The following CHGA variants were observed in gnomAD, a reference collection of about 807,000 sequenced individuals.
CHGA encodes the protein chromogranin-A.
A neutral mutation model predicts 54.4 loss-of-function variants in CHGA; 41 were observed. The observed-to-expected ratio is 0.75, with a 90% CI of 0.59 to 0.98. The LOEUF (loss-of-function observed/expected upper bound fraction) is 0.98, where lower values mean the gene tolerates loss of function less well. Ranked by LOEUF, CHGA falls within the 50% of genes least tolerant of loss-of-function variation. The probability of loss-of-function intolerance (pLI) is 0.00; values close to 1 mark genes in which losing one functional copy is unlikely to be tolerated. For synonymous variants in CHGA, 249 were observed against 232.8 expected (o/e 1.07, Z -0.63); for missense variants, 576 against 582.3 (o/e 0.99, Z 0.11).
At position 92,928,275 on chromosome 14, in the gene CHGA, C is replaced by T. The variant is rs577203808; in HGVS notation, c.256+657C>T. Among the ~76,000 whole-genome samples, 7 of 152,268 alleles carry T rather than the reference C, an allele frequency of 4.6e-5. No individual in the cohort carries two copies. The South Asian group carries it at 8.3e-4, about 18-fold the overall frequency. ...TTGTGTCTGGGGTGGGGTGGGGGTACGAAGGCTGCTCTGGCTTCAGGATGG... is the reference window on the plus strand; with the variant it reads ...TTGTGTCTGGGGTGGGGTGGGGGTATGAAGGCTGCTCTGGCTTCAGGATGG... On this transcript the variant is annotated intron_variant, in intron 4 of 7. Transcript: ENST00000216492.
rs1350492824 is a variant in CHGA, at chr14:92,926,710, A to C, written c.187+12A>C. 1 of 1,611,750 alleles carries C rather than the reference A, an allele frequency of 6.2e-7. No homozygotes were observed. The highest frequency in any genetic ancestry group is 2.2e-5 in the East Asian group (1 of 44,884). ...GACACTCCGAGGAGGTATGAGCTGG[A>C]GGCTAGGGGTGAGGGCTGCTGCCTG... On this transcript the variant is annotated intron_variant, in intron 3 of 7. Transcript: ENST00000216492.
Position 92,934,980 on chromosome 14 carries a change from C to T in CHGA, c.*96C>T, listed in dbSNP as rs9658672. 2,524 of 1,069,932 alleles carry T rather than the reference C, an allele frequency of 2.4e-3. 36 individuals carry two copies. The African/African-American group carries it at 0.037, about 16-fold the overall frequency. 66.3% of individuals were successfully genotyped at this position (1,069,932 alleles called of 1,614,324 possible). A position where few individuals can be genotyped will look rare whatever the true frequency, so the allele number is the denominator to read the frequency against. ...GGCCAGATGGCCCGGATGCTGCTTC[C>T]GGTAGGGAGGCAGCCTCCAGCCTGC... is the stretch of plus-strand genomic sequence containing the variant. On this transcript the variant is annotated 3_prime_UTR_variant, in exon 8 of 8. Coordinates refer to ENST00000216492, the MANE Select transcript of CHGA (RefSeq NM_001275.4).
intron 2 of CHGA, among the ~76,000 whole-genome samples, chr14:92,924,468 G>C (rs1293487377): frequency 6.6e-6 from 1 of 152,254 alleles, no homozygotes; most frequent in Non-Finnish European, 1.5e-5. Context: ...ACATGCAGCG[G>C]AAGAGGCCTG....
At chr14:92,933,775 G>C (rs1247055212) in intron 7 of CHGA, among the ~76,000 whole-genome samples, 1 of 152,194 alleles carries the variant, frequency 6.6e-6, no homozygotes, top group Non-Finnish European at 1.5e-5. Context: ...CACGTGCCTG[G>C]GAGCCCAGGG....
rs778264226 is a variant in CHGA at position 92,929,729 on chromosome 14, G to C, written c.269G>C (p.Arg90Thr). The change falls in exon 5 of 8, where the codon AGG (arginine) becomes ACG (threonine). Residue 90 changes from arginine to threonine, a missense_variant. By Grantham distance (71) the Arg-to-Thr change is moderately conservative. Transcript: ENST00000216492. ...TTTCTCATACCAGGCGCCAAGGAGAGGGCACATCAGCAGAAGAAACACAGC... is the reference window on the plus strand; with the variant it reads ...TTTCTCATACCAGGCGCCAAGGAGACGGCACATCAGCAGAAGAAACACAGC... ...QDLALQGAKERAHQQKKHSGF... is the reference protein window; with the variant it reads ...QDLALQGAKETAHQQKKHSGF... 1.9e-6 allele frequency: 3 copies of C among 1,613,966 alleles called. No individual in the cohort carries two copies. Among genetic ancestry groups the C allele is most frequent in the Admixed American group, 3.3e-5 (2 of 60,014 alleles).
chr14:92,924,094 T>C, intron 1 of CHGA, 105 bp from the exon 2 acceptor site: 1 of 1,302,338 alleles, frequency 7.7e-7, no homozygotes, highest in Non-Finnish European at 1.1e-6. Flanking sequence ...GGGGGCAGTT[T>C]TGAGGGGTGG....
In CHGA at chr14:92,935,069, C is replaced by T. The variant is rs1887096773; in HGVS notation, c.*185C>T. 2 of 535,724 alleles carry T rather than the reference C, an allele frequency of 3.7e-6. No individual in the cohort carries two copies. Among genetic ancestry groups the T allele is most frequent in the South Asian group, 5.4e-5 (2 of 36,810 alleles). 33.2% of individuals were successfully genotyped at this position (535,724 alleles called of 1,614,324 possible). On this transcript the variant is annotated 3_prime_UTR_variant, in exon 8 of 8. Coordinates refer to ENST00000216492, the MANE Select transcript of CHGA (RefSeq NM_001275.4). ...TCTCCTACTCCTGACTCCTACCTGC[C>T]CTGGAACATCCTTTGCAGGGCAGCC...
chr14:92,930,276 C>T (rs1421757033), intron 5 of CHGA, among the ~76,000 whole-genome samples: 5 of 152,232 alleles, frequency 3.3e-5, no homozygotes, highest in African/African-American at 4.8e-5. Context: ...TTCTTGAAAC[C>T]AAAGAGCTTC....
Position 92,932,340 on chromosome 14 carries a change from TCTC to T in CHGA, c.809-27_809-25del, listed in dbSNP as rs960388876. 1.9e-6 allele frequency: 3 copies of T among 1,545,512 alleles called. No individual in the cohort carries two copies. Among genetic ancestry groups the T allele is most frequent in the African/African-American group, 2.7e-5 (2 of 73,902 alleles). ...GGGAAAATGGTGGTCCCCCACCCAT[TCTC>T]CTGCTCTTGCCCACCACCTGCTCCA... On this transcript the variant is annotated intron_variant, in intron 6 of 7. Transcript: ENST00000216492. This position sits in a 1 kb window ranked among gnomAD's most constrained non-coding sequence, Gnocchi z 5.3.
In CHGA at chr14:92,927,462, T is replaced by C. The variant is rs866526657; in HGVS notation, c.188-88T>C. On this transcript the variant is annotated intron_variant, in intron 3 of 7. Transcript: ENST00000216492. ...CCTGGTTTTGAGTTTCCAGAGTAAA[T>C]TCCTTGTGCTCAGCTGAAAATATTG... 7.2e-6 allele frequency: 8 copies of C among 1,118,792 alleles called. No individual in the cohort carries two copies. The Middle Eastern group carries it at 6.0e-4, about 83-fold the overall frequency. The allele number at this position is 1,118,792 out of a possible 1,614,324, so 69.3% of individuals were successfully genotyped here. A position where few individuals can be genotyped will look rare whatever the true frequency, so the allele number is the denominator to read the frequency against.
At chr14:92,929,008 T>G (rs942292987) in intron 4 of CHGA, among the ~76,000 whole-genome samples, 1 of 152,228 alleles carries the variant, frequency 6.6e-6, no homozygotes, top group African/African-American at 2.4e-5. Context: ...GCATGCTCCC[T>G]GGCCCACAGC....
In CHGA at chr14:92,929,784, T is replaced by G. The variant is rs766061758; in HGVS notation, c.324T>G (p.Leu108=). The G allele has an allele frequency of 6.2e-6, 10 of 1,613,212 alleles. No individual in the cohort carries two copies. The highest frequency in any genetic ancestry group is 8.5e-6 in the Non-Finnish European group (10 of 1,180,006). ...SGFEDELSEV[L]ENQSSQAELK... is the part of the protein sequence containing the mutation. ...TTGAAGATGAACTCTCAGAGGTTCT[T>G]GAGAACCAGAGCAGCCAGGCCGAGC... The change falls in exon 5 of 8, where the codon CTT becomes CTG. Residue 108 remains leucine, a synonymous_variant. Transcript: ENST00000216492.
Position 92,932,753 on chromosome 14 carries a change from T to C in CHGA, c.1192T>C (p.Ser398Pro), listed in dbSNP as rs1430849338. Residue 398 changes from serine to proline, a missense_variant, in exon 7 of 8, where the codon TCC becomes CCC. By Grantham distance (74) the Ser-to-Pro change is moderately conservative (BLOSUM62 -1). Coordinates refer to ENST00000216492, the MANE Select transcript of CHGA (RefSeq NM_001275.4). The surrounding 1 kb of genome is among the most constrained non-coding windows in gnomAD (Gnocchi z 5.3). ...PQLRRGWRPS[S>P]REDSLEAGLP... The stretch of plus-strand genomic sequence containing the variant: ...GCTGCGACGAGGCTGGAGGCCATCC[T>C]CCCGGGAGGACAGCCTTGAGGCGGG... The C allele has an allele frequency of 6.2e-7, 1 of 1,606,892 alleles. No individual in the cohort carries two copies. Among genetic ancestry groups the C allele is most frequent in the Non-Finnish European group, 8.5e-7 (1 of 1,177,632 alleles).
In CHGA at chr14:92,934,789, TG is replaced by T. The variant is rs1887083650; in HGVS notation, c.1291-11del. ...CCAGGCTGGCCCGAGTGAACCCCAA[TG>T]TCTCTCCTAGGACCAGGAGCTGGAG... is the stretch of plus-strand genomic sequence containing the variant. On this transcript the variant is annotated splice_polypyrimidine_tract_variant and intron_variant, in intron 7 of 7. Coordinates refer to ENST00000216492, the MANE Select transcript of CHGA (RefSeq NM_001275.4). 6.4e-7 allele frequency: 1 copy of T among 1,571,352 alleles called. No individual in the cohort carries two copies. The highest frequency in any genetic ancestry group is 8.6e-7 in the Non-Finnish European group (1 of 1,158,942).
chr14:92,923,885 CGTCT>C (rs1595059298), intron 1 of CHGA, among the ~76,000 whole-genome samples: 1 of 152,082 alleles, frequency 6.6e-6, no homozygotes, highest in South Asian at 2.1e-4. Context: ...CTCTCCCCTT[CGTCT>C]GTCTCCCACC....
In CHGA at chr14:92,929,717, GCGC is replaced by G. The variant is rs1220839820; in HGVS notation, c.259_261del (p.Ala87del). 1 of 1,613,768 alleles carries G rather than the reference GCGC, an allele frequency of 6.2e-7. No homozygotes were observed. Among genetic ancestry groups the G allele is most frequent in the Admixed American group, 1.7e-5 (1 of 60,004 alleles). On this transcript the variant is annotated inframe_deletion and splice_region_variant, in exon 5 of 8. Coordinates refer to ENST00000216492, the MANE Select transcript of CHGA (RefSeq NM_001275.4). ...CTTTTCCCTCCTTTTCTCATACCAG[GCGC>G]CAAGGAGAGGGCACATCAGCAGAAG...
At chr14:92,927,401 A>T (rs1886907427) in intron 3 of CHGA, 149 bp from the exon 4 acceptor site, 3 of 653,804 alleles carry the variant, frequency 4.6e-6, no homozygotes, top group Non-Finnish European at 8.1e-6. Context: ...GTAATTTCAA[A>T]AGTGTTATCT....
intron 3 of CHGA, 139 bp from the exon 4 acceptor site, chr14:92,927,411 T>G: frequency 1.5e-6 from 1 of 677,494 alleles, no homozygotes; most frequent in Admixed American, 2.4e-5. Flanking sequence ...AAGTGTTATC[T>G]GAAGACCCAA....
Position 92,932,399 on chromosome 14 carries a change from GC to G in CHGA, c.839del (p.Ala280ValfsTer73). On this transcript the variant is annotated frameshift_variant, in exon 7 of 8. Coordinates refer to ENST00000216492, the MANE Select transcript of CHGA (RefSeq NM_001275.4). LOFTEE classifies it high-confidence loss of function. This position sits in a 1 kb window ranked among gnomAD's most constrained non-coding sequence, Gnocchi z 5.3. ...GTCGGAGGCTCTGGCTGTGGATGGA[GC>G]TGGGAAGCCTGGGGCTGAGGAGGCT... ...SRSEALAVDG[A>X]GKPGAEEAQD... The G allele has an allele frequency of 6.3e-7, 1 of 1,582,574 alleles. No homozygotes were observed. Among genetic ancestry groups the G allele is most frequent in the Non-Finnish European group, 8.6e-7 (1 of 1,165,110 alleles).
Sources: allele counts gnomAD v4.1 joint callset (sites outside exome capture counted in the v4.1 genomes callset), GRCh38; gene constraint gnomAD v4.1.1; non-coding constraint Gnocchi (gnomAD v3.1); transcripts MANE v1.5; gene names NCBI Gene and HGNC (gene_info 2026-07-23, HGNC 2026-07-21).